N4BP1: variants seen among roughly 807,000 people sequenced by gnomAD.
N4BP1 encodes NEDD4 binding protein 1.
In N4BP1, 21 loss-of-function variants were observed where a neutral mutation model predicts 70.9. The ratio of observed to expected loss-of-function variants is 0.30; its 90% CI spans 0.21 to 0.43. N4BP1 has a LOEUF of 0.43. Among genes scored for constraint, N4BP1 ranks in the 20% least tolerant of loss-of-function variants. The pLI is 1.00. For missense variants in N4BP1, 936 were observed against 1,069.4 expected, an observed-to-expected ratio of 0.88 and a Z score of 1.74; for synonymous variants, 387 against 394.6, an observed-to-expected ratio of 0.98 and a Z score of 0.23.
intron 1 of N4BP1, among the ~76,000 whole-genome samples, chr16:48,576,315 T>C (rs1166066849): frequency 6.6e-6 from 1 of 152,214 alleles, no homozygotes; most frequent in East Asian, 1.9e-4. Context: ...CAACATTTGC[T>C]GTCTGTTCCA....
intron 6 of N4BP1, 96 bp downstream of exon 6, chr16:48,546,051 T>TA (rs1323532102): frequency 2.8e-6 from 2 of 726,870 alleles, no homozygotes; most frequent in Admixed American, 6.2e-5. Context: ...ATAATTTTTT[T>TA]AATGTCATTT....
At chr16:48,597,344 A>C (rs1296724149) in intron 1 of N4BP1, among the ~76,000 whole-genome samples, 2 of 152,208 alleles carry the variant, frequency 1.3e-5, no homozygotes, top group East Asian at 3.8e-4. Context: ...AGCTGTCCTC[A>C]CAGGGTTAAC....
In N4BP1 at chr16:48,567,476, C is replaced by A. The variant is rs937284006; in HGVS notation, c.199-5032G>T. ...GGGATTACAGGTGCACACCACCACA[C>A]CTGGTTAATTTTTTGTATTTTTAGT... On this transcript the variant is annotated intron_variant, in intron 1 of 6. Coordinates refer to ENST00000262384, the MANE Select transcript of N4BP1 (RefSeq NM_153029.4). Among the ~76,000 whole-genome samples, 4 of 152,150 alleles carry A rather than the reference C, an allele frequency of 2.6e-5. No individual in the cohort carries two copies. The East Asian group carries it at 7.7e-4, about 29-fold the overall frequency.
At chr16:48,578,178 T>C (rs1964126653) in intron 1 of N4BP1, 2 of 177,964 alleles carry the variant, frequency 1.1e-5, no homozygotes, top group African/African-American at 2.3e-5. Context: ...GGACTTGATC[T>C]TCATGTTCTT....
At chr16:48,604,456 G>A (rs1349226543) in intron 1 of N4BP1, among the ~76,000 whole-genome samples, 1 of 152,100 alleles carries the variant, frequency 6.6e-6, no homozygotes, top group Non-Finnish European at 1.5e-5. Flanking sequence ...AGGAGGCCAA[G>A]AGGATCGCTT....
At chr16:48,609,479 G>A (rs1177404539) in intron 1 of N4BP1, among the ~76,000 whole-genome samples, 1 of 152,246 alleles carries the variant, frequency 6.6e-6, no homozygotes, top group Non-Finnish European at 1.5e-5. Flanking sequence ...CCCGATCCGT[G>A]CCACACGCTG....
At chr16:48,595,643 A>G (rs1964401569) in intron 1 of N4BP1, among the ~76,000 whole-genome samples, 1 of 152,172 alleles carries the variant, frequency 6.6e-6, no homozygotes, top group Non-Finnish European at 1.5e-5. Flanking sequence ...CATAAGTGCA[A>G]TAAGAATGTT....
chr16:48,552,658 G>A (rs983181383), intron 3 of N4BP1, among the ~76,000 whole-genome samples: 39 of 126,352 alleles, frequency 3.1e-4, no homozygotes, highest in African/African-American at 9.7e-4. Flanking sequence ...AGATCATGCC[G>A]CTGCACTCCA....
chr16:48,594,535 T>C (rs1278974014), intron 1 of N4BP1, among the ~76,000 whole-genome samples: 1 of 152,102 alleles, frequency 6.6e-6, no homozygotes, highest in Non-Finnish European at 1.5e-5. Flanking sequence ...TTGTATTTTT[T>C]GGTAGAGACG....
chr16:48,576,663 C>G (rs990271214), intron 1 of N4BP1, among the ~76,000 whole-genome samples: 2 of 152,168 alleles, frequency 1.3e-5, no homozygotes, highest in Non-Finnish European at 2.9e-5. Context: ...ATGTGTGAAT[C>G]CCTTTGACTT....
chr16:48,579,017 C>T (rs1964139104), intron 1 of N4BP1, among the ~76,000 whole-genome samples: 1 of 58,870 alleles, frequency 1.7e-5, no homozygotes, highest in African/African-American at 1.0e-4. Flanking sequence ...TGCCAAGAGA[C>T]ATTTGACAAT....
At chr16:48,589,158 G>A (rs1286538546) in intron 1 of N4BP1, among the ~76,000 whole-genome samples, 1 of 152,086 alleles carries the variant, frequency 6.6e-6, no homozygotes, top group Non-Finnish European at 1.5e-5. Flanking sequence ...CTGTAATACT[G>A]TGAAATATGT....
chr16:48,601,789 A>T (rs1964505264), intron 1 of N4BP1, among the ~76,000 whole-genome samples: 2 of 152,172 alleles, frequency 1.3e-5, no homozygotes, highest in Admixed American at 1.3e-4. Flanking sequence ...GGCGCACTAC[A>T]GACTTGGAAC....
chr16:48,558,497 T>C (rs1441263752), intron 2 of N4BP1, among the ~76,000 whole-genome samples: 1 of 152,140 alleles, frequency 6.6e-6, no homozygotes, highest in Non-Finnish European at 1.5e-5. Flanking sequence ...CTGTCACGGA[T>C]AGGCAGCACC....
At position 48,551,469 on chromosome 16, in the gene N4BP1, T is replaced by A; in HGVS notation, c.2034A>T (p.Leu678Phe). The A allele has an allele frequency of 6.2e-7, 1 of 1,612,792 alleles. No individual in the cohort carries two copies. Among genetic ancestry groups the A allele is most frequent in the Non-Finnish European group, 8.5e-7 (1 of 1,178,928 alleles). The stretch of plus-strand genomic sequence containing the variant: ...ATATTCCGAGCTCCTGGAGCTGGGT[T>A]AAGAAGTGCTGTTCTGTTCATGGAA... The part of the protein sequence containing the change: ...RDPNVTEQHF[L>F]TQLQELGILS... Residue 678 changes from leucine to phenylalanine, a missense_variant, in exon 4 of 7, where the codon TTA (leucine) becomes TTT (phenylalanine). This residue lies in a region of N4BP1 where 229 missense variants were observed against 343.5 expected (regional missense o/e 0.67). Coordinates refer to ENST00000262384, the MANE Select transcript of N4BP1 (RefSeq NM_153029.4).
intron 1 of N4BP1, among the ~76,000 whole-genome samples, chr16:48,586,462 G>C (rs1302391042): frequency 6.6e-6 from 1 of 151,834 alleles, no homozygotes; most frequent in Non-Finnish European, 1.5e-5. Flanking sequence ...TAATTACTCT[G>C]ATTTTTTTTT....
chr16:48,575,672 C>T (rs2151093827), intron 1 of N4BP1, among the ~76,000 whole-genome samples: 2 of 152,314 alleles, frequency 1.3e-5, no homozygotes, highest in Middle Eastern at 6.8e-3. Context: ...GCCAGCTTCA[C>T]CCAGGCTGCA....
At chr16:48,598,101 C>T (rs1964444637) in intron 1 of N4BP1, among the ~76,000 whole-genome samples, 1 of 152,210 alleles carries the variant, frequency 6.6e-6, no homozygotes, top group Non-Finnish European at 1.5e-5. Flanking sequence ...ATGTGCATGC[C>T]ATATGAGACT....
At chr16:48,585,987 C>A (rs918999991) in intron 1 of N4BP1, among the ~76,000 whole-genome samples, 1 of 152,122 alleles carries the variant, frequency 6.6e-6, no homozygotes, top group Non-Finnish European at 1.5e-5. Context: ...TGAGCCACTG[C>A]GCCCGGCCAA....
Sources: allele counts gnomAD v4.1 joint callset (sites outside exome capture counted in the v4.1 genomes callset), GRCh38; gene constraint gnomAD v4.1.1; regional missense constraint gnomAD v4.1.1; transcripts MANE v1.5; gene names NCBI Gene and HGNC (gene_info 2026-07-23, HGNC 2026-07-21).